The following MIB1 variants were observed in gnomAD, a reference collection of about 807,000 sequenced individuals.
The protein encoded by MIB1 is MIB E3 ubiquitin protein ligase 1, also known as E3 ubiquitin-protein ligase MIB1.
A neutral mutation model predicts 124.5 loss-of-function variants in MIB1; 278 were observed. The observed-to-expected ratio is 2.23, with a 90% confidence interval of 2.02 to 2.47. The LOEUF (loss-of-function observed/expected upper bound fraction) is 2.47, where lower values mean the gene tolerates loss of function less well. Ranked by LOEUF, MIB1 falls within the 30% of genes most tolerant of loss-of-function variation. The pLI is 0.00. For synonymous variants in MIB1, 446 were observed against 429.4 expected, an observed-to-expected ratio of 1.04 and a Z score of -0.48; for missense variants, 957 against 1,254.4, an observed-to-expected ratio of 0.76 and a Z score of 3.58.
At chr18:21,716,214 C>A (rs2040689177) in intron 1 of MIB1, among the ~76,000 whole-genome samples, 1 of 152,202 alleles carries the variant, frequency 6.6e-6, no homozygotes, top group Non-Finnish European at 1.5e-5. Flanking sequence ...TATCTTCACC[C>A]TCTCTAAACA....
Position 21,741,388 on chromosome 18 carries a change from G to C in MIB1, c.-196G>C, listed in dbSNP as rs1335543771. ...TCCACTCCGAGCGGGGGGCGCGGCG[G>C]CGACAGCTGGGCAGCGGCTTTGGGC... On this transcript the variant is annotated 5_prime_UTR_variant, in exon 1 of 21. Transcript: ENST00000261537. The surrounding 1 kb of genome is among the most constrained non-coding windows in gnomAD (Gnocchi z 5.4). 3 of 229,320 alleles carry C rather than the reference G, an allele frequency of 1.3e-5. No homozygotes were observed. In the East Asian group the frequency reaches 3.0e-4, roughly 23 times the overall value. The allele number at this position is 229,320 out of a possible 1,614,324, so 14.2% of individuals were successfully genotyped here. A position where few individuals can be genotyped will look rare whatever the true frequency, so the allele number is the denominator to read the frequency against.
intron 12 of MIB1, among the ~76,000 whole-genome samples, chr18:21,830,001 G>A (rs1271553882): frequency 5.3e-5 from 8 of 151,946 alleles, no homozygotes; most frequent in Non-Finnish European, 2.9e-5. Flanking sequence ...GGTATTAGAA[G>A]GTTAATTTAA....
chr18:21,829,008 A>G (rs369308040), intron 12 of MIB1: 1 of 477,282 alleles, frequency 2.1e-6, no homozygotes, highest in African/African-American at 2.0e-5. Flanking sequence ...TTTATTGCCT[A>G]CCAAAAATAC....
At chr18:21,780,422 A>G (rs941889660) in intron 6 of MIB1, among the ~76,000 whole-genome samples, 9 of 152,174 alleles carry the variant, frequency 5.9e-5, no homozygotes, top group East Asian at 1.9e-4. Context: ...GTAACCACCA[A>G]TCAACTTTCT....
intron 10 of MIB1, among the ~76,000 whole-genome samples, chr18:21,806,030 G>A (rs1032094287): frequency 6.6e-6 from 1 of 150,666 alleles, no homozygotes; most frequent in African/African-American, 2.4e-5. Context: ...AGCCTCCCGA[G>A]TAGCTGAGAT....
intron 6 of MIB1, among the ~76,000 whole-genome samples, chr18:21,785,909 T>C (rs2041429416): frequency 6.6e-6 from 1 of 152,202 alleles, no homozygotes; most frequent in East Asian, 1.9e-4. Flanking sequence ...TTTTTTTCTT[T>C]TAGCATTTTG....
chr18:21,842,067 G>C (rs1598638161), intron 13 of MIB1, among the ~76,000 whole-genome samples: 1 of 142,476 alleles, frequency 7.0e-6, no homozygotes, highest in African/African-American at 2.7e-5. Context: ...ACTCCAGCCT[G>C]GGTGACAGAG....
At position 21,777,223 on chromosome 18, in the gene MIB1, A is replaced by G. The variant is rs2041299462; in HGVS notation, c.637-880A>G. ...TACTTGAAACCAGGAGTTTGAGACC[A>G]GCCTGGCCAAAGTGGTGAAACCCTG... On this transcript the variant is annotated intron_variant, in intron 4 of 20. Transcript: ENST00000261537. Among the ~76,000 whole-genome samples the G allele has an allele frequency of 2.6e-5, 4 of 152,220 alleles. No individual in the cohort carries two copies. In the South Asian group the frequency reaches 8.3e-4, roughly 32 times the overall value.
At chr18:21,750,371 A>G (rs1041731831) in intron 1 of MIB1, among the ~76,000 whole-genome samples, 5 of 151,364 alleles carry the variant, frequency 3.3e-5, no homozygotes, top group Non-Finnish European at 5.9e-5. Context: ...TCTGTCGTCC[A>G]GGCTAGAGTG....
In MIB1 at chr18:21,773,623, G is replaced by C; in HGVS notation, c.532-1G>C. 4 of 1,595,136 alleles carry C rather than the reference G, an allele frequency of 2.5e-6. No homozygotes were observed. ...TCTTTTCTCAAAAACTATTCTGTTAGGTAACAGAAATCCAGGACTGGAGTG... is the reference window on the plus strand; with the variant it reads ...TCTTTTCTCAAAAACTATTCTGTTACGTAACAGAAATCCAGGACTGGAGTG... On this transcript the variant is annotated splice_acceptor_variant, in intron 3 of 20. Coordinates refer to ENST00000261537, the MANE Select transcript of MIB1 (RefSeq NM_020774.4). LOFTEE classifies it high-confidence loss of function.
At chr18:21,804,711 A>G (rs1039043746) in intron 10 of MIB1, among the ~76,000 whole-genome samples, 1 of 152,204 alleles carries the variant, frequency 6.6e-6, no homozygotes, top group East Asian at 1.9e-4. Context: ...GCAAATTTAA[A>G]TTAGGCAGAA....
intron 1 of MIB1, among the ~76,000 whole-genome samples, chr18:21,745,943 G>A (rs531964640): frequency 6.6e-6 from 1 of 152,174 alleles, no homozygotes; most frequent in Non-Finnish European, 1.5e-5. Flanking sequence ...CTGACCTCAA[G>A]TGATCCATAG....
Position 21,791,367 on chromosome 18 carries a change from C to T in MIB1, c.909-7C>T, listed in dbSNP as rs372616754. On this transcript the variant is annotated splice_polypyrimidine_tract_variant and splice_region_variant and intron_variant, in intron 6 of 20. Transcript: ENST00000261537. ...ACCCATTTTGAGGTTTAGCTTTGCT[C>T]TTGTAGGTGGACCTTCAATCCTGCT... is the stretch of plus-strand genomic sequence containing the variant. 10 of 1,601,542 alleles carry T rather than the reference C, an allele frequency of 6.2e-6. No homozygotes were observed. Among genetic ancestry groups the T allele is most frequent in the Non-Finnish European group, 8.5e-6 (10 of 1,173,430 alleles).
intron 10 of MIB1, among the ~76,000 whole-genome samples, chr18:21,808,875 T>C (rs1216717412): frequency 6.6e-6 from 1 of 152,048 alleles, no homozygotes; most frequent in East Asian, 1.9e-4. Flanking sequence ...ATTATGAGTT[T>C]CCAAACATAG....
chr18:21,804,993 A>G (rs1292360652), intron 10 of MIB1, among the ~76,000 whole-genome samples: 1 of 152,038 alleles, frequency 6.6e-6, no homozygotes, highest in Non-Finnish European at 1.5e-5. Flanking sequence ...TGCTGCCTAG[A>G]AATAACTTGA....
upstream of MIB1, among the ~76,000 whole-genome samples, chr18:21,737,627 G>T (rs2040802029): frequency 6.6e-6 from 1 of 152,086 alleles, no homozygotes; most frequent in Non-Finnish European, 1.5e-5. Context: ...CTGTATTCAG[G>T]AGACCCATCT....
chr18:21,805,491 G>A (rs1054975648), intron 10 of MIB1, among the ~76,000 whole-genome samples: 4 of 151,964 alleles, frequency 2.6e-5, no homozygotes, highest in African/African-American at 9.7e-5. Flanking sequence ...TTTTGTTTTG[G>A]TAATTAAAGT....
chr18:21,813,154 A>G (rs2041793125), intron 10 of MIB1, among the ~76,000 whole-genome samples: 1 of 151,870 alleles, frequency 6.6e-6, no homozygotes, highest in Non-Finnish European at 1.5e-5. Flanking sequence ...TAACAACCAT[A>G]CAGTGTTAGT....
intron 3 of MIB1, among the ~76,000 whole-genome samples, chr18:21,773,121 C>T (rs2041240957): frequency 6.6e-6 from 1 of 151,984 alleles, no homozygotes. Flanking sequence ...CAAAAATTAG[C>T]CAGGCGTGGT....
Sources: allele counts gnomAD v4.1 joint callset (sites outside exome capture counted in the v4.1 genomes callset), GRCh38; gene constraint gnomAD v4.1.1; non-coding constraint Gnocchi (gnomAD v3.1); transcripts MANE v1.5; gene names NCBI Gene and HGNC (gene_info 2026-07-23, HGNC 2026-07-21).